CYBC1: variants seen among roughly 807,000 people sequenced by gnomAD.
The protein encoded by CYBC1 is cytochrome b-245 chaperone 1, also known as essential for reactive oxygen species protein.
In CYBC1, 22 loss-of-function variants were observed where a neutral mutation model predicts 21.7. That is an observed-to-expected ratio of 1.02 (90% CI 0.73 to 1.45). CYBC1 has a LOEUF of 1.45. CYBC1 is among the 40% of genes most tolerant of loss of function. CYBC1 has a pLI of 0.00. For synonymous variants in CYBC1, 112 were observed against 98.7 expected (o/e 1.13, Z -0.80); for missense variants, 237 against 242.1 (o/e 0.98, Z 0.14).
At chr17:82,448,941 G>A (rs754944775) in intron 2 of CYBC1, 1 of 540,680 alleles carries the variant, frequency 1.8e-6, no homozygotes, top group Non-Finnish European at 3.2e-6. Context: ...AAAGCTCATA[G>A]AGTATATTAA....
rs564447834 is a variant in CYBC1 at position 82,445,424 on chromosome 17, C to T, written c.298+440G>A. On this transcript the variant is annotated intron_variant, in intron 5 of 6. Transcript: ENST00000306645. ...AGGTGGCCCCACTCCAGAACGCCCA[C>T]GGGCTGCCATGGCTCTCCCTGCCCC... The T allele has an allele frequency of 2.4e-5, 4 of 167,014 alleles. No individual in the cohort carries two copies. In the South Asian group the frequency reaches 5.2e-4, roughly 22 times the overall value. The allele number at this position is 167,014 out of a possible 1,614,324, so 10.3% of individuals were successfully genotyped here.
rs761527904 is a variant in CYBC1 at position 82,443,790 on chromosome 17, G to A, written c.*214C>T. On this transcript the variant is annotated 3_prime_UTR_variant, in exon 7 of 7. Coordinates refer to ENST00000306645, the MANE Select transcript of CYBC1 (RefSeq NM_001033046.4). This position sits in a 1 kb window ranked among gnomAD's most constrained non-coding sequence, Gnocchi z 6.7. ...GCCACGGGTCCTGTGGGCGGTGCACGGGCTCAGGCACACCGGGAATGTGCC... is the reference window on the plus strand; with the variant it reads ...GCCACGGGTCCTGTGGGCGGTGCACAGGCTCAGGCACACCGGGAATGTGCC... 11 of 876,778 alleles carry A rather than the reference G, an allele frequency of 1.3e-5. No homozygotes were observed. The highest frequency in any genetic ancestry group is 2.1e-5 in the Non-Finnish European group (11 of 521,702). The allele number at this position is 876,778 out of a possible 1,614,324, so 54.3% of individuals were successfully genotyped here. A position where few individuals can be genotyped will look rare whatever the true frequency, so the allele number is the denominator to read the frequency against.
At chr17:82,450,376 CT>C (rs1567917099) in intron 1 of CYBC1, 1 of 152,270 alleles carries the variant, frequency 6.6e-6, no homozygotes, top group East Asian at 1.9e-4. Flanking sequence ...TGCCTCATTG[CT>C]CCCGAAACAC....
chr17:82,443,416 C>T lies in CYBC1; in HGVS notation c.*588G>A, dbSNP rs76370224. ...GGCAGCTTCCACAGTGTGGCTGCAG[C>T]GTGCACAGCCAGGTAGGCCCTGGAT... On this transcript the variant is annotated 3_prime_UTR_variant, in exon 7 of 7. Coordinates refer to ENST00000306645, the MANE Select transcript of CYBC1 (RefSeq NM_001033046.4). The surrounding 1 kb of genome is among the most constrained non-coding windows in gnomAD (Gnocchi z 6.7). 14,316 of 571,396 alleles carry T rather than the reference C, an allele frequency of 0.025. 235 individuals carry two copies. Among genetic ancestry groups the T allele is most frequent in the Admixed American group, 0.048 (1,986 of 40,954 alleles). The allele number at this position is 571,396 out of a possible 1,614,324, so 35.4% of individuals were successfully genotyped here. A position where few individuals can be genotyped will look rare whatever the true frequency, so the allele number is the denominator to read the frequency against.
rs1319020555 is a variant in CYBC1 at position 82,443,981 on chromosome 17, C to T, written c.*23G>A. On this transcript the variant is annotated 3_prime_UTR_variant, in exon 7 of 7. Coordinates refer to ENST00000306645, the MANE Select transcript of CYBC1 (RefSeq NM_001033046.4). This position sits in a 1 kb window ranked among gnomAD's most constrained non-coding sequence, Gnocchi z 6.7. Reference sequence around the variant, plus strand: ...TGCCATGGGTCCTGTGGGCGGTGCACGGGCTCAGGCACAGTGGGGCTGTCA... The same window carrying T: ...TGCCATGGGTCCTGTGGGCGGTGCATGGGCTCAGGCACAGTGGGGCTGTCA... 3.7e-6 allele frequency: 6 copies of T among 1,609,970 alleles called. No individual in the cohort carries two copies. Among genetic ancestry groups the T allele is most frequent in the Non-Finnish European group, 5.1e-6 (6 of 1,179,920 alleles).
In CYBC1 at chr17:82,442,599, T is replaced by C. The variant is rs2054030685; in HGVS notation, c.*1405A>G. 6.4e-7 allele frequency: 1 copy of C among 1,556,676 alleles called. No homozygotes were observed. Among genetic ancestry groups the C allele is most frequent in the African/African-American group, 1.4e-5 (1 of 73,446 alleles). ...AGGGAGACCCGCTTTGTGATCTGCA[T>C]GTGTGACACTGATTCTTTGGAAATA... On this transcript the variant is annotated 3_prime_UTR_variant, in exon 7 of 7. Coordinates refer to ENST00000306645, the MANE Select transcript of CYBC1 (RefSeq NM_001033046.4). The surrounding 1 kb of genome is among the most constrained non-coding windows in gnomAD (Gnocchi z 6.8).
rs373856077 is a variant in CYBC1 at position 82,449,354 on chromosome 17, C to G, written c.-38-62G>C. 120 of 876,078 alleles carry G rather than the reference C, an allele frequency of 1.4e-4. No homozygotes were observed. The East Asian group carries it at 3.1e-3, about 23-fold the overall frequency. 54.3% of individuals were successfully genotyped at this position (876,078 alleles called of 1,614,324 possible). On this transcript the variant is annotated intron_variant, in intron 1 of 6. Transcript: ENST00000306645. The stretch of plus-strand genomic sequence containing the variant: ...GCACACAGGCAGGCGCCCACGCCAT[C>G]AGGCCCAGTCTGGAGGCCAAGAGCA...
In CYBC1 at chr17:82,448,955, C is replaced by G. The variant is rs183142228; in HGVS notation, c.85+215G>C. 277 of 552,040 alleles carry G rather than the reference C, an allele frequency of 5.0e-4. 2 individuals carry two copies. In the Middle Eastern group the frequency reaches 5.6e-3, roughly 11 times the overall value. The allele number at this position is 552,040 out of a possible 1,614,324, so 34.2% of individuals were successfully genotyped here. A position where few individuals can be genotyped will look rare whatever the true frequency, so the allele number is the denominator to read the frequency against. On this transcript the variant is annotated intron_variant, in intron 2 of 6. Transcript: ENST00000306645. ...AAAAGCTCATAGAGTATATTAAATA[C>G]GCTGGGTGTTAGTGATTAAAAGGGG... is the stretch of plus-strand genomic sequence containing the variant.
In CYBC1 at chr17:82,445,900, T is replaced by G. The variant is rs1567909754; in HGVS notation, c.262A>C (p.Lys88Gln). 2 of 1,613,404 alleles carry G rather than the reference T, an allele frequency of 1.2e-6. No individual in the cohort carries two copies. Among genetic ancestry groups the G allele is most frequent in the Admixed American group, 1.7e-5 (1 of 59,886 alleles). ...VVLKTFSLYK[K>Q]LLTLFRAGHD... ...CCAGCTCTGAAAAGAGTCAGCAGCT[T>G]CTTGTAGAGGCTGAACGTCTTCAAA... Residue 88 changes from lysine to glutamine, a missense_variant, in exon 5 of 7, where the codon AAG becomes CAG. Coordinates refer to ENST00000306645, the MANE Select transcript of CYBC1 (RefSeq NM_001033046.4).
intron 1 of CYBC1, chr17:82,449,864 AG>A (rs2054494398): frequency 6.6e-6 from 1 of 152,394 alleles, no homozygotes; most frequent in African/African-American, 2.4e-5. Context: ...TCCACAGCGG[AG>A]TTCCGCACGG....
chr17:82,449,701 C>A (rs1052824187), intron 1 of CYBC1: 1 of 161,714 alleles, frequency 6.2e-6, no homozygotes, highest in Non-Finnish European at 1.3e-5. Flanking sequence ...ACTGAAAGTC[C>A]CATCATGGCT....
chr17:82,449,168 A>C lies in CYBC1; in HGVS notation c.85+2T>G. 5 of 1,567,008 alleles carry C rather than the reference A, an allele frequency of 3.2e-6. No individual in the cohort carries two copies. Among genetic ancestry groups the C allele is most frequent in the Non-Finnish European group, 4.3e-6 (5 of 1,158,368 alleles). On this transcript the variant is annotated splice_donor_variant, in intron 2 of 6. Coordinates refer to ENST00000306645, the MANE Select transcript of CYBC1 (RefSeq NM_001033046.4). LOFTEE classifies it high-confidence loss of function. ...TCTGGGGAGGGACGTGGAGAGCCTT[A>C]CCAACCAGCAGGGACCAGGACCGGA...
chr17:82,443,718 G>C lies in CYBC1; in HGVS notation c.*286C>G, dbSNP rs1463410127. 3 of 780,756 alleles carry C rather than the reference G, an allele frequency of 3.8e-6. No homozygotes were observed. The highest frequency in any genetic ancestry group is 6.9e-6 in the Non-Finnish European group (3 of 432,248). 48.4% of individuals were successfully genotyped at this position (780,756 alleles called of 1,614,324 possible). ...TCATGCAGTGTGCAAGCAGCAGCAT[G>C]AGCAGGCAATAGGCCAACTCGGCTG... On this transcript the variant is annotated 3_prime_UTR_variant, in exon 7 of 7. Transcript: ENST00000306645. This position sits in a 1 kb window ranked among gnomAD's most constrained non-coding sequence, Gnocchi z 6.7.
Position 82,443,256 on chromosome 17 carries a change from C to CT in CYBC1, c.*747dup, listed in dbSNP as rs1439290028. On this transcript the variant is annotated 3_prime_UTR_variant, in exon 7 of 7. Transcript: ENST00000306645. The surrounding 1 kb of genome is among the most constrained non-coding windows in gnomAD (Gnocchi z 6.7). ...ACTGCACGATACTAGAAGAGCTGAC[C>CT]TTTTTTCTGGCCTCACAGCTTATGC... 13 of 354,696 alleles carry CT rather than the reference C, an allele frequency of 3.7e-5. No homozygotes were observed. Among genetic ancestry groups the CT allele is most frequent in the Non-Finnish European group, 6.1e-5 (11 of 180,118 alleles). The allele number at this position is 354,696 out of a possible 1,614,324, so 22.0% of individuals were successfully genotyped here.
chr17:82,445,831 G>A lies in CYBC1; in HGVS notation c.298+33C>T, dbSNP rs1418089447. The A allele has an allele frequency of 9.1e-6, 14 of 1,538,108 alleles. No homozygotes were observed. The Admixed American group carries it at 9.3e-5, about 10-fold the overall frequency. ...GCCCAAGTGCGCCGCCTCTGTGGCC[G>A]TGTCCCATGTCCCCACGCTCCCCAC... On this transcript the variant is annotated intron_variant, in intron 5 of 6. Coordinates refer to ENST00000306645, the MANE Select transcript of CYBC1 (RefSeq NM_001033046.4).
At chr17:82,447,044 A>C in intron 3 of CYBC1, 1 of 381,166 alleles carries the variant, frequency 2.6e-6, no homozygotes, top group Non-Finnish European at 4.8e-6. Context: ...ATGACCCAAA[A>C]ACACAGAAGA....
chr17:82,447,084 T>A, intron 3 of CYBC1: 1 of 316,234 alleles, frequency 3.2e-6, no homozygotes, highest in Admixed American at 4.8e-5. Flanking sequence ...CCGGGCGCAG[T>A]GGCTCACGCC....
In CYBC1 at chr17:82,447,659, G is replaced by A. The variant is rs1171121905; in HGVS notation, c.86-38C>T. 9 of 1,563,070 alleles carry A rather than the reference G, an allele frequency of 5.8e-6. No homozygotes were observed. In the African/African-American group the frequency reaches 1.1e-4, roughly 19 times the overall value. Reference sequence around the variant, plus strand: ...AGTGACTGCCTGCCTATTGATCCCGGTAAGACCCCACCTCCCTGGTGCAGC... The same window carrying A: ...AGTGACTGCCTGCCTATTGATCCCGATAAGACCCCACCTCCCTGGTGCAGC... On this transcript the variant is annotated intron_variant, in intron 2 of 6. Transcript: ENST00000306645.
intron 4 of CYBC1, 109 bp downstream of exon 4, chr17:82,446,514 G>C (rs764829663): frequency 6.0e-6 from 6 of 996,496 alleles, no homozygotes; most frequent in Non-Finnish European, 9.4e-6. Context: ...GCTTCAGGAC[G>C]GGGAGGCGCT....
Sources: gnomAD v4.1 joint callset for allele counts on GRCh38, gnomAD v4.1.1 for gene constraint, Gnocchi (gnomAD v3.1) non-coding constraint, MANE v1.5 for transcripts, NCBI Gene and HGNC (gene_info 2026-07-23, HGNC 2026-07-21) for gene names.